CSMD1: variants seen among roughly 807,000 people sequenced by gnomAD.
CSMD1 encodes the protein CUB and Sushi multiple domains 1.
CSMD1 carries 213 observed loss-of-function variants against 417.5 expected under a neutral mutation model. The observed-to-expected ratio is 0.51, with a 90% CI of 0.46 to 0.57. CSMD1 has a LOEUF of 0.57. CSMD1 is among the 20% of genes least tolerant of loss of function. The probability of loss-of-function intolerance (pLI) is 0.00; values close to 1 mark genes in which losing one functional copy is unlikely to be tolerated. For missense variants in CSMD1, 6,923 were observed against 4,529.7 expected (o/e 1.53, Z -15.17); for synonymous variants, 2,862 against 1,736.8 (o/e 1.65, Z -16.11).
chr8:3,364,971 G>A (rs2117744753), intron 20 of CSMD1, among the ~76,000 whole-genome samples: 1 of 152,320 alleles, frequency 6.6e-6, no homozygotes, highest in Non-Finnish European at 1.5e-5. Flanking sequence ...AGACTTCTGA[G>A]AAACACCTGC....
intron 23 of CSMD1, 33 bp from the exon 24 acceptor site, chr8:3,308,536 C>G: frequency 2.6e-6 from 4 of 1,562,216 alleles, no homozygotes; most frequent in South Asian, 1.1e-5. Flanking sequence ...ATGAACAGAA[C>G]TCAAGGGTGG....
intron 3 of CSMD1, among the ~76,000 whole-genome samples, chr8:4,206,291 C>G (rs1053023915): frequency 1.3e-5 from 2 of 151,976 alleles, no homozygotes. Flanking sequence ...GTGTGCTGCA[C>G]CCATTAACTT....
At chr8:4,510,601 T>A (rs1036893380) in intron 2 of CSMD1, among the ~76,000 whole-genome samples, 1 of 147,734 alleles carries the variant, frequency 6.8e-6, no homozygotes, top group Non-Finnish European at 1.5e-5. Flanking sequence ...CCTTCCTTCT[T>A]GCCTTCCTTC....
intron 2 of CSMD1, among the ~76,000 whole-genome samples, chr8:4,521,019 C>T (rs1403095235): frequency 2.0e-5 from 3 of 152,112 alleles, no homozygotes; most frequent in African/African-American, 2.4e-5. Context: ...ACTGCTGTTT[C>T]AACCATCGCA....
At chr8:4,428,921 C>G (rs1797714048) in intron 2 of CSMD1, among the ~76,000 whole-genome samples, 1 of 152,042 alleles carries the variant, frequency 6.6e-6, no homozygotes, top group East Asian at 1.9e-4. Context: ...CACCATTTGG[C>G]CAGGCTGGTC....
At chr8:3,380,690 G>C (rs917268506) in intron 18 of CSMD1, among the ~76,000 whole-genome samples, 1 of 152,100 alleles carries the variant, frequency 6.6e-6, no homozygotes, top group African/African-American at 2.4e-5. Context: ...GCTGAACAAT[G>C]AGAACACATG....
chr8:4,474,605 A>G (rs966270788), intron 2 of CSMD1, among the ~76,000 whole-genome samples: 1 of 152,176 alleles, frequency 6.6e-6, no homozygotes, highest in Non-Finnish European at 1.5e-5. Context: ...TGTGTGAGCT[A>G]CTACGTAACC....
intron 5 of CSMD1, among the ~76,000 whole-genome samples, chr8:3,866,352 C>G (rs927219012): frequency 1.3e-5 from 2 of 152,166 alleles, no homozygotes; most frequent in Non-Finnish European, 2.9e-5. Context: ...TGTCCTTTTA[C>G]TGGAATACAG....
intron 3 of CSMD1, among the ~76,000 whole-genome samples, chr8:4,074,280 C>T (rs192485089): frequency 3.5e-3 from 532 of 151,908 alleles, no homozygotes; most frequent in Non-Finnish European, 3.6e-3. Flanking sequence ...AGTCATGAAA[C>T]GGTGTCAGCT....
intron 5 of CSMD1, among the ~76,000 whole-genome samples, chr8:3,974,601 T>C (rs1242511410): frequency 2.6e-5 from 4 of 152,050 alleles, no homozygotes; most frequent in African/African-American, 7.2e-5. Context: ...ATAACAACCC[T>C]TGTTTTTACT....
chr8:3,891,512 C>T (rs1365839932), intron 5 of CSMD1, among the ~76,000 whole-genome samples: 1 of 151,978 alleles, frequency 6.6e-6, no homozygotes, highest in Non-Finnish European at 1.5e-5. Context: ...AGACCCCATG[C>T]CTAATCACAC....
Position 3,823,223 on chromosome 8 carries a change from G to C in CSMD1, c.819-69181C>G, listed in dbSNP as rs1011197508. Among the ~76,000 whole-genome samples, 17 of 152,024 alleles carry C rather than the reference G, an allele frequency of 1.1e-4. 1 individual carries two copies. Among genetic ancestry groups the C allele is most frequent in the African/African-American group, 4.1e-4 (17 of 41,386 alleles). ...GCAATATTGGTGGGTTATTAGTTTA[G>C]GTCAAAAATAAATAAAATAGCTGAG... On this transcript the variant is annotated intron_variant, in intron 5 of 69. Transcript: ENST00000635120.
intron 12 of CSMD1, among the ~76,000 whole-genome samples, chr8:3,465,768 G>A (rs983695563): frequency 1.8e-4 from 28 of 152,176 alleles, no homozygotes; most frequent in African/African-American, 6.5e-4. Context: ...TGGAGTCTCA[G>A]AAATTCAAGT....
intron 3 of CSMD1, among the ~76,000 whole-genome samples, chr8:4,135,862 T>C (rs1189031274): frequency 3.3e-5 from 5 of 152,174 alleles, no homozygotes; most frequent in South Asian, 2.1e-4. Flanking sequence ...TTAAATCTAA[T>C]AAGAAAAATG....
chr8:3,437,274 A>G (rs1424996238), intron 12 of CSMD1, among the ~76,000 whole-genome samples: 1 of 152,206 alleles, frequency 6.6e-6, no homozygotes, highest in Non-Finnish European at 1.5e-5. Flanking sequence ...CAACACAGGC[A>G]TCCCAAATGA....
rs186270319 is a variant in CSMD1 at position 3,722,065 on chromosome 8, G to C, written c.932-13574C>G. On this transcript the variant is annotated intron_variant, in intron 6 of 69. Coordinates refer to ENST00000635120, the MANE Select transcript of CSMD1 (RefSeq NM_033225.6). Reference sequence around the variant, plus strand: ...GTGTCAGAAGCATAAGGAAGAGGCCGGGCAAAGTGGCTCATGCCTGTAATC... The same window carrying C: ...GTGTCAGAAGCATAAGGAAGAGGCCCGGCAAAGTGGCTCATGCCTGTAATC... 2.3e-3 allele frequency among the ~76,000 whole-genome samples: 354 copies of C among 152,240 alleles called. 3 individuals are homozygous for C. The highest frequency in any genetic ancestry group is 8.2e-3 in the African/African-American group (341 of 41,546).
In CSMD1 at chr8:4,263,383, C is replaced by T. The variant is rs865854712; in HGVS notation, c.415+156570G>A. 2.6e-5 allele frequency among the ~76,000 whole-genome samples: 4 copies of T among 152,300 alleles called. 1 individual carries two copies. The South Asian group carries it at 8.3e-4, about 32-fold the overall frequency. On this transcript the variant is annotated intron_variant, in intron 3 of 69. Coordinates refer to ENST00000635120, the MANE Select transcript of CSMD1 (RefSeq NM_033225.6). ...ACTGCAACAGAATAAAAATAAAAAA[C>T]CTGCTTTGACCACATTTCTATTACA...
intron 68 of CSMD1, 49 bp downstream of exon 68, chr8:2,949,250 G>T: frequency 9.4e-7 from 1 of 1,064,578 alleles, no homozygotes; most frequent in African/African-American, 1.6e-5. Context: ...AACATCATTG[G>T]AAAGCCAAAC....
At chr8:4,236,686 C>G (rs146314152) in intron 3 of CSMD1, among the ~76,000 whole-genome samples, 13 of 152,156 alleles carry the variant, frequency 8.5e-5, no homozygotes, top group African/African-American at 2.4e-5. Context: ...ACTCTTCAAG[C>G]TTTGGTCCCT....
Sources: allele counts gnomAD v4.1 joint callset (sites outside exome capture counted in the v4.1 genomes callset), GRCh38; gene constraint gnomAD v4.1.1; transcripts MANE v1.5; gene names NCBI Gene and HGNC (gene_info 2026-07-23, HGNC 2026-07-21).